Variants in HCN4 observed in about 807,000 individuals in gnomAD.
HCN4 encodes hyperpolarization activated cyclic nucleotide gated potassium channel 4.
Under a neutral mutation model 76.9 loss-of-function variants are expected in HCN4, and 29 were observed. The observed-to-expected ratio is 0.38, with a 90% CI of 0.28 to 0.51. HCN4 has a LOEUF of 0.51. Ranked by LOEUF, HCN4 falls within the 20% of genes least tolerant of loss-of-function variation. The probability of loss-of-function intolerance (pLI) is 0.90; values close to 1 mark genes in which losing one functional copy is unlikely to be tolerated. For missense variants in HCN4, 1,416 were observed against 1,715.2 expected, an observed-to-expected ratio of 0.83 and a Z score of 3.08; for synonymous variants, 772 against 762.5, an observed-to-expected ratio of 1.01 and a Z score of -0.21.
At chr15:73,340,472 A>G (rs886638277) in intron 2 of HCN4, among the ~76,000 whole-genome samples, 2 of 152,134 alleles carry the variant, frequency 1.3e-5, no homozygotes, top group Admixed American at 6.5e-5. Context: ...CTGGTCCTAC[A>G]TTTCCACCTG....
At chr15:73,332,423 A>T in intron 2 of HCN4, 131 bp from the exon 3 acceptor site, 1 of 885,356 alleles carries the variant, frequency 1.1e-6, no homozygotes, top group Middle Eastern at 2.3e-4. Context: ...ACTCAGTGCA[A>T]ATCCAGGCTG....
intron 2 of HCN4, among the ~76,000 whole-genome samples, chr15:73,342,913 A>G (rs1437824851): frequency 6.6e-6 from 1 of 152,202 alleles, no homozygotes; most frequent in African/African-American, 2.4e-5. Context: ...AGTTCTTCTC[A>G]TCCACCACAC....
At chr15:73,333,037 T>C (rs2042941733) in intron 2 of HCN4, among the ~76,000 whole-genome samples, 1 of 152,250 alleles carries the variant, frequency 6.6e-6, no homozygotes, top group Non-Finnish European at 1.5e-5. Flanking sequence ...TTAATCTTCC[T>C]GATTGGTTAA....
At chr15:73,344,579 G>A (rs891088490) in intron 1 of HCN4, among the ~76,000 whole-genome samples, 1 of 152,118 alleles carries the variant, frequency 6.6e-6, no homozygotes, top group African/African-American at 2.4e-5. Flanking sequence ...AATTAATGGG[G>A]GGATTTCAGG....
At position 73,323,265 on chromosome 15, in the gene HCN4, G is replaced by C. The variant is rs1455977664; in HGVS notation, c.2828C>G (p.Pro943Arg). Residue 943 changes from proline (P) to arginine (R), a missense_variant, in exon 8 of 8, where the codon CCC becomes CGC. Coordinates refer to ENST00000261917, the MANE Select transcript of HCN4 (RefSeq NM_005477.3). ...ARSPQAAQPS[P>R]APPGARGGLG... ...GCCTCCCCGGGCCCCGGGTGGCGCG[G>C]GAGATGGCTGGGCAGCCTGCGGGGA... 1 of 1,528,868 alleles carries C rather than the reference G, an allele frequency of 6.5e-7. No individual in the cohort carries two copies. The highest frequency in any genetic ancestry group is 2.0e-5 in the Admixed American group (1 of 48,850). 94.7% of individuals were successfully genotyped at this position (1,528,868 alleles called of 1,614,324 possible).
At chr15:73,361,607 G>T (rs962128230) in intron 1 of HCN4, among the ~76,000 whole-genome samples, 17 of 152,360 alleles carry the variant, frequency 1.1e-4, no homozygotes, top group Admixed American at 1.1e-3. Flanking sequence ...GCCCCCAGGG[G>T]ACTGGGGCTG....
chr15:73,341,617 A>C (rs2043003920), intron 2 of HCN4, among the ~76,000 whole-genome samples: 1 of 152,168 alleles, frequency 6.6e-6, no homozygotes, highest in African/African-American at 2.4e-5. Flanking sequence ...TTGGGTCTTA[A>C]ATGCGCCATT....
chr15:73,323,082 G>T lies in HCN4; in HGVS notation c.3011C>A (p.Pro1004Gln). ...PETPPRQPEP[P>Q]SLVAGASGGA... ...CCCAGAGGCCCCTGCCACAAGGGAC[G>T]GCGGCTCAGGCTGCCGTGGGGGTGT... is the stretch of plus-strand genomic sequence containing the variant. Residue 1004 changes from proline to glutamine, a missense_variant, in exon 8 of 8, where the codon CCG becomes CAG. By Grantham distance (76) the Pro-to-Gln change is moderately conservative. Around this residue, in one of 6 missense-constraint regions of HCN4, gnomAD observed 633 missense variants for 579.8 expected, o/e 1.09. Transcript: ENST00000261917. The T allele has an allele frequency of 1.3e-6, 2 of 1,574,394 alleles. No homozygotes were observed. The highest frequency in any genetic ancestry group is 8.6e-7 in the Non-Finnish European group (1 of 1,163,400).
At position 73,329,556 on chromosome 15, in the gene HCN4, T is replaced by A; in HGVS notation, c.1590+17A>T. The A allele has an allele frequency of 1.2e-6, 2 of 1,612,840 alleles. No individual in the cohort carries two copies. Among genetic ancestry groups the A allele is most frequent in the Non-Finnish European group, 1.7e-6 (2 of 1,179,268 alleles). ...TTGGGAGGGACCAATGTGCGGGTGC[T>A]CCCTGGGTAGACCTACCTTTTCCTG... On this transcript the variant is annotated intron_variant, in intron 4 of 7. Coordinates refer to ENST00000261917, the MANE Select transcript of HCN4 (RefSeq NM_005477.3).
intron 2 of HCN4, among the ~76,000 whole-genome samples, chr15:73,336,191 A>G (rs966650692): frequency 2.0e-5 from 3 of 152,146 alleles, no homozygotes; most frequent in Non-Finnish European, 2.9e-5. Context: ...CAGAGCCCAC[A>G]GCCACAAGCA....
chr15:73,348,329 C>A (rs1055709625), intron 1 of HCN4, among the ~76,000 whole-genome samples: 2 of 152,234 alleles, frequency 1.3e-5, no homozygotes, highest in African/African-American at 4.8e-5. Flanking sequence ...CACACCCACG[C>A]TTGCCTTTGA....
chr15:73,357,295 T>C (rs2043085634), intron 1 of HCN4, among the ~76,000 whole-genome samples: 1 of 152,180 alleles, frequency 6.6e-6, no homozygotes. Flanking sequence ...GCTTGTCCCC[T>C]AGACTCTGTC....
chr15:73,334,299 T>G (rs979807113), intron 2 of HCN4, among the ~76,000 whole-genome samples: 2 of 152,144 alleles, frequency 1.3e-5, no homozygotes, highest in African/African-American at 4.8e-5. Flanking sequence ...GGCTGGGGCC[T>G]GGGTCTGGGA....
chr15:73,367,643 G>C lies in HCN4; in HGVS notation c.628C>G (p.Gln210Glu). ...ILPEAEVRLG[Q>E]AGFMQRQFGA... ...AACTGGCGCTGCATGAAGCCGGCCT[G>C]GCCCAGGCGCACCTCGGCCTCCGGG... is the stretch of plus-strand genomic sequence containing the variant. Residue 210 changes from glutamine (Q) to glutamate (E), a missense_variant, in exon 1 of 8, where the codon CAG becomes GAG. Around this residue, in one of 6 missense-constraint regions of HCN4, gnomAD observed 355 missense variants for 347.8 expected, o/e 1.02. Transcript: ENST00000261917. This position sits in a 1 kb window ranked among gnomAD's most constrained non-coding sequence, Gnocchi z 7.5. 6.2e-7 allele frequency: 1 copy of C among 1,611,346 alleles called. No homozygotes were observed. Among genetic ancestry groups the C allele is most frequent in the East Asian group, 2.2e-5 (1 of 44,874 alleles).
chr15:73,339,367 G>A (rs2042985285), intron 2 of HCN4, among the ~76,000 whole-genome samples: 1 of 152,216 alleles, frequency 6.6e-6, no homozygotes. Flanking sequence ...TGGGGGCCTG[G>A]TCTGGGCCCG....
intron 1 of HCN4, among the ~76,000 whole-genome samples, chr15:73,352,643 G>A (rs531891432): frequency 6.6e-6 from 1 of 152,304 alleles, no homozygotes; most frequent in African/African-American, 2.4e-5. Flanking sequence ...TGTGCAGGCG[G>A]TGGGAGCAGA....
chr15:73,332,083 G>A (rs538870629), intron 3 of HCN4, 48 bp downstream of exon 3: 2 of 1,598,324 alleles, frequency 1.3e-6, no homozygotes, highest in African/African-American at 2.7e-5. Flanking sequence ...CCTACCTCTG[G>A]AGAGCCCGCC....
chr15:73,330,148 C>T (rs965583407), intron 3 of HCN4, among the ~76,000 whole-genome samples: 5 of 152,222 alleles, frequency 3.3e-5, no homozygotes, highest in Non-Finnish European at 5.9e-5. Context: ...ACAGCTCCAC[C>T]CCCCAACCCC....
At chr15:73,348,292 ACCT>A (rs1175598400) in intron 1 of HCN4, among the ~76,000 whole-genome samples, 1 of 151,980 alleles carries the variant, frequency 6.6e-6, no homozygotes, top group East Asian at 1.9e-4. Flanking sequence ...GCTAGGGATG[ACCT>A]CCTTCAGCCT....
Sources: allele counts gnomAD v4.1 joint callset (sites outside exome capture counted in the v4.1 genomes callset), GRCh38; gene constraint gnomAD v4.1.1; regional missense constraint gnomAD v4.1.1; non-coding constraint Gnocchi (gnomAD v3.1); transcripts MANE v1.5; gene names NCBI Gene and HGNC (gene_info 2026-07-23, HGNC 2026-07-21).